The following NUP210 variants were observed in gnomAD, a reference collection of about 807,000 sequenced individuals.
The protein encoded by NUP210 is nuclear pore membrane glycoprotein 210.
In NUP210, 151 loss-of-function variants were observed where a neutral mutation model predicts 196.0. The ratio of observed to expected loss-of-function variants is 0.77; its 90% CI spans 0.67 to 0.88. The LOEUF (loss-of-function observed/expected upper bound fraction) is 0.88. Ranked by LOEUF, NUP210 falls within the 40% of genes least tolerant of loss-of-function variation. NUP210 has a pLI of 0.00. For missense variants in NUP210, 2,314 were observed against 2,493.7 expected, an observed-to-expected ratio of 0.93 and a Z score of 1.53; for synonymous variants, 1,070 against 1,052.7, an observed-to-expected ratio of 1.02 and a Z score of -0.32.
chr3:13,391,093 G>A, intron 4 of NUP210, 118 bp downstream of exon 4: 1 of 702,356 alleles, frequency 1.4e-6, no homozygotes, highest in East Asian at 2.7e-5. Context: ...GGGCATCCTA[G>A]GAGTCTCCCA....
intron 14 of NUP210, among the ~76,000 whole-genome samples, chr3:13,362,754 C>T (rs977513504): frequency 1.3e-5 from 2 of 152,090 alleles, no homozygotes; most frequent in African/African-American, 4.8e-5. Flanking sequence ...CAGAGCCAGG[C>T]GTGGCCCCTG....
chr3:13,413,242 C>A (rs373373309), intron 1 of NUP210, among the ~76,000 whole-genome samples: 1 of 151,334 alleles, frequency 6.6e-6, no homozygotes, highest in Admixed American at 6.6e-5. Flanking sequence ...CCGAGACGGG[C>A]GGATCACGAG....
Position 13,323,366 on chromosome 3 carries a change from C to T in NUP210, c.4711G>A (p.Glu1571Lys). ...HLHPIQTSFQ[E>K]ATASKVIVAV... ...ACAATCACTTTGGAGGCTGTAGCCT[C>T]CTGGAAGCTGGTCTGGATGGGGTGG... The change falls in exon 34 of 40, where the codon GAG becomes AAG. Residue 1571 changes from glutamate to lysine, a missense_variant. Physicochemically the swap from Glu to Lys is moderately conservative, Grantham distance 56. Coordinates refer to ENST00000254508, the MANE Select transcript of NUP210 (RefSeq NM_024923.4). The surrounding 1 kb of genome is among the most constrained non-coding windows in gnomAD (Gnocchi z 4.3). The T allele has an allele frequency of 6.2e-7, 1 of 1,614,152 alleles. No individual in the cohort carries two copies. Among genetic ancestry groups the T allele is most frequent in the South Asian group, 1.1e-5 (1 of 91,078 alleles).
At chr3:13,329,530 T>C (rs1696912180) in intron 30 of NUP210, among the ~76,000 whole-genome samples, 1 of 152,240 alleles carries the variant, frequency 6.6e-6, no homozygotes, top group Admixed American at 6.5e-5. Flanking sequence ...GTGTCTGGTA[T>C]ACAGCTAGTG....
intron 1 of NUP210, among the ~76,000 whole-genome samples, chr3:13,401,259 C>A (rs562119928): frequency 0.019 from 833 of 43,502 alleles, 14 homozygotes; most frequent in Middle Eastern, 0.031. Flanking sequence ...GACTCTGGCT[C>A]AAAAAAAAAA....
intron 33 of NUP210, among the ~76,000 whole-genome samples, 165 bp downstream of exon 33, chr3:13,325,630 C>T (rs1361078948): frequency 6.6e-6 from 1 of 152,186 alleles, no homozygotes; most frequent in Non-Finnish European, 1.5e-5. Flanking sequence ...GGAGCTTGTC[C>T]CCATGTCAGA....
chr3:13,348,771 G>A lies in NUP210; in HGVS notation c.2835+3108C>T, dbSNP rs1381284282. 1.0e-6 allele frequency: 1 copy of A among 985,220 alleles called. No individual in the cohort carries two copies. Among genetic ancestry groups the A allele is most frequent in the Non-Finnish European group, 1.2e-6 (1 of 829,928 alleles). The allele number at this position is 985,220 out of a possible 1,614,324, so 61.0% of individuals were successfully genotyped here. A position where few individuals can be genotyped will look rare whatever the true frequency, so the allele number is the denominator to read the frequency against. ...CCTCTGAGAAGAACAGGAACAGTGG[G>A]ACTCCCTCCCCCTCCTTGAGGCACG... is the stretch of plus-strand genomic sequence containing the variant. On this transcript the variant is annotated intron_variant, in intron 20 of 39. Transcript: ENST00000254508. This position sits in a 1 kb window ranked among gnomAD's most constrained non-coding sequence, Gnocchi z 4.0.
chr3:13,396,246 A>G (rs1699649696), intron 3 of NUP210, among the ~76,000 whole-genome samples: 1 of 152,132 alleles, frequency 6.6e-6, no homozygotes, highest in African/African-American at 2.4e-5. Context: ...CATCACAAAG[A>G]ATTACTCAAC....
At chr3:13,375,762 G>C in intron 10 of NUP210, 121 bp from the exon 11 acceptor site, 2 of 1,084,104 alleles carry the variant, frequency 1.8e-6, no homozygotes, top group Non-Finnish European at 2.7e-6. Flanking sequence ...TGGGGGAAGA[G>C]TGGAGAGGAA....
At chr3:13,320,164 G>A (rs1696462309) in intron 36 of NUP210, among the ~76,000 whole-genome samples, 185 bp from the exon 37 acceptor site, 1 of 152,172 alleles carries the variant, frequency 6.6e-6, no homozygotes, top group Admixed American at 6.5e-5. Context: ...CCCCTGCCCA[G>A]GTCACATCTC....
chr3:13,407,362 C>G (rs1361809078), intron 1 of NUP210, among the ~76,000 whole-genome samples: 3 of 152,224 alleles, frequency 2.0e-5, no homozygotes, highest in Middle Eastern at 3.4e-3. Flanking sequence ...CCTGCTTGAA[C>G]CTGTCCTTCC....
Position 13,355,722 on chromosome 3 carries a change from C to A in NUP210, c.2329-1615G>T, listed in dbSNP as rs76998937. 1.7e-4 allele frequency among the ~76,000 whole-genome samples: 26 copies of A among 152,326 alleles called. No individual in the cohort carries two copies. In the East Asian group the frequency reaches 4.8e-3, roughly 28 times the overall value. ...TGAGTAGGCCAGCACCATCAGCAGG[C>A]ATGCAAAGGTCTCATCATTATTCAT... On this transcript the variant is annotated intron_variant, in intron 16 of 39. Coordinates refer to ENST00000254508, the MANE Select transcript of NUP210 (RefSeq NM_024923.4).
chr3:13,360,124 G>A (rs540622042), intron 15 of NUP210, 146 bp downstream of exon 15: 14 of 687,322 alleles, frequency 2.0e-5, no homozygotes, highest in Middle Eastern at 4.1e-4. Context: ...ACCTCACCAC[G>A]CCTCAGTTTG....
intron 2 of NUP210, among the ~76,000 whole-genome samples, chr3:13,398,057 A>G (rs1182291518): frequency 6.6e-6 from 1 of 152,220 alleles, no homozygotes; most frequent in Admixed American, 6.5e-5. Flanking sequence ...TGTTCTGACC[A>G]TTCTCCAGGT....
intron 21 of NUP210, 100 bp downstream of exon 21, chr3:13,343,075 A>G: frequency 7.0e-7 from 1 of 1,428,236 alleles, no homozygotes; most frequent in Non-Finnish European, 9.7e-7. Context: ...AGACCACAGG[A>G]GCAAAAGCAA....
rs759581328 is a variant in NUP210, at chr3:13,341,995, C to T, written c.3092+1G>A. 1 of 1,614,132 alleles carries T rather than the reference C, an allele frequency of 6.2e-7. No homozygotes were observed. The highest frequency in any genetic ancestry group is 8.5e-7 in the Non-Finnish European group (1 of 1,179,990). On this transcript the variant is annotated splice_donor_variant, in intron 22 of 39. Transcript: ENST00000254508. LOFTEE classifies it high-confidence loss of function. ...CTCCTCTGACCCCTAGGAGAACTCA[C>T]ACCAATGTAATGATCGGGGAGGCTG...
rs569907120 is a variant in NUP210, at chr3:13,370,184, GCCCTACACACCT to G, written c.1786+1638_1786+1649del. Among the ~76,000 whole-genome samples, 500 of 152,116 alleles carry G rather than the reference GCCCTACACACCT, an allele frequency of 3.3e-3. 9 individuals are homozygous for G. Among genetic ancestry groups the G allele is most frequent in the South Asian group, 0.019 (90 of 4,814 alleles). On this transcript the variant is annotated intron_variant, in intron 13 of 39. Transcript: ENST00000254508. ...AGATACATATTTTCATACAGCCTGG[GCCCTACACACCT>G]CCCTACACATTACCATGCACACTCC...
chr3:13,399,688 C>T, intron 2 of NUP210, 37 bp downstream of exon 2: 1 of 1,613,524 alleles, frequency 6.2e-7, no homozygotes, highest in Non-Finnish European at 8.5e-7. Context: ...CTGTCTCTGG[C>T]TCCCACCGGG....
chr3:13,336,949 G>A (rs1170740270), intron 26 of NUP210, 31 bp from the exon 27 acceptor site: 1 of 1,611,352 alleles, frequency 6.2e-7, no homozygotes, highest in Non-Finnish European at 8.5e-7. Context: ...CCAGTGAGCA[G>A]TAGCTCCCAG....
Sources: allele counts gnomAD v4.1 joint callset (sites outside exome capture counted in the v4.1 genomes callset), GRCh38; gene constraint gnomAD v4.1.1; non-coding constraint Gnocchi (gnomAD v3.1); transcripts MANE v1.5; gene names NCBI Gene and HGNC (gene_info 2026-07-23, HGNC 2026-07-21).